RBPMS: variants seen among roughly 807,000 people sequenced by gnomAD.
RBPMS encodes RNA-binding protein with multiple splicing.
In RBPMS, 7 loss-of-function variants were observed where a neutral mutation model predicts 26.8. The ratio of observed to expected loss-of-function variants is 0.26; its 90% CI spans 0.15 to 0.49. RBPMS has a LOEUF of 0.49. Ranked by LOEUF, RBPMS falls within the 20% of genes least tolerant of loss-of-function variation. RBPMS has a pLI of 0.98. For missense variants in RBPMS, 186 were observed against 250.0 expected (o/e 0.74, Z 1.73); for synonymous variants, 96 against 93.3 (o/e 1.03, Z -0.17).
intron 1 of RBPMS, among the ~76,000 whole-genome samples, 175 bp from the exon 2 acceptor site, chr8:30,474,604 A>G (rs939831901): frequency 6.6e-6 from 1 of 152,218 alleles, no homozygotes. Flanking sequence ...AAAAGGAAAA[A>G]AAAGTGTTGG....
chr8:30,551,312 T>C lies in RBPMS; in HGVS notation c.528+6688T>C, dbSNP rs112725124. On this transcript the variant is annotated intron_variant, in intron 6 of 8. Transcript: ENST00000397323. Reference sequence around the variant, plus strand: ...TGCTACTGAGGCCCAGGCCTCTCCATGTTGGGCAGTTTTAGGAGGAAATGC... The same window carrying C: ...TGCTACTGAGGCCCAGGCCTCTCCACGTTGGGCAGTTTTAGGAGGAAATGC... Among the ~76,000 whole-genome samples the C allele has an allele frequency of 3.1e-3, 466 of 152,344 alleles. 2 individuals are homozygous for C. Among genetic ancestry groups the C allele is most frequent in the Non-Finnish European group, 5.1e-3 (344 of 68,030 alleles).
At position 30,384,616 on chromosome 8, in the gene RBPMS, GCTC is replaced by G. The variant is rs1223084418; in HGVS notation, c.-464_-462del. ...GCCGCGGCCCGCGCTCCTCCGCCCC[GCTC>G]CTCCTCCTCCTCTTCCTCCTCCTCC... is the stretch of plus-strand genomic sequence containing the variant. On this transcript the variant is annotated 5_prime_UTR_variant, in exon 1 of 9. Transcript: ENST00000397323. This position sits in a 1 kb window ranked among gnomAD's most constrained non-coding sequence, Gnocchi z 5.6. 16 of 156,668 alleles carry G rather than the reference GCTC, an allele frequency of 1.0e-4. No homozygotes were observed. The highest frequency in any genetic ancestry group is 1.9e-4 in the South Asian group (1 of 5,268). 9.7% of individuals were successfully genotyped at this position (156,668 alleles called of 1,614,324 possible).
intron 1 of RBPMS, among the ~76,000 whole-genome samples, chr8:30,433,844 G>C (rs1812180294): frequency 6.6e-6 from 1 of 152,088 alleles, no homozygotes; most frequent in Non-Finnish European, 1.5e-5. Flanking sequence ...CTGATTCTTA[G>C]ATCTTGCATG....
chr8:30,525,375 C>T (rs1016432744), intron 5 of RBPMS, among the ~76,000 whole-genome samples: 2 of 152,108 alleles, frequency 1.3e-5, no homozygotes, highest in African/African-American at 2.4e-5. Context: ...CCTCCTCCTC[C>T]GCAATAAAAA....
chr8:30,552,579 T>C (rs1213977199), intron 6 of RBPMS: 1 of 152,168 alleles, frequency 6.6e-6, no homozygotes, highest in African/African-American at 2.4e-5. Context: ...ATAGCAAACA[T>C]AGTTAAAAAT....
At chr8:30,547,770 C>G (rs1825988785) in intron 6 of RBPMS, among the ~76,000 whole-genome samples, 1 of 152,208 alleles carries the variant, frequency 6.6e-6, no homozygotes, top group African/African-American at 2.4e-5. Flanking sequence ...CACCAGGAGA[C>G]CTCACTTCAG....
At chr8:30,563,849 C>T (rs976785564) in intron 7 of RBPMS, among the ~76,000 whole-genome samples, 1 of 152,142 alleles carries the variant, frequency 6.6e-6, no homozygotes, top group South Asian at 2.1e-4. Flanking sequence ...AGAAGAAAGC[C>T]ACCTGTCCAT....
At chr8:30,508,431 C>T (rs1199438305) in intron 5 of RBPMS, among the ~76,000 whole-genome samples, 1 of 152,162 alleles carries the variant, frequency 6.6e-6, no homozygotes, top group Non-Finnish European at 1.5e-5. Context: ...AGTTACCTAA[C>T]CTCTCTGTGT....
rs374249569 is a variant in RBPMS at position 30,425,989 on chromosome 8, A to G, written c.66+40831A>G. On this transcript the variant is annotated intron_variant, in intron 1 of 8. Coordinates refer to ENST00000397323, the MANE Select transcript of RBPMS (RefSeq NM_001008710.3). ...TGGTGTTGTTCTTAACCACCACTCT[A>G]TGCTGCTTCCCACCGTGCCCAAAGA... Among the ~76,000 whole-genome samples, 3 of 152,118 alleles carry G rather than the reference A, an allele frequency of 2.0e-5. No homozygotes were observed. The East Asian group carries it at 5.8e-4, about 29-fold the overall frequency.
chr8:30,541,873 C>T (rs957907110), intron 5 of RBPMS, among the ~76,000 whole-genome samples: 31 of 152,290 alleles, frequency 2.0e-4, no homozygotes, highest in African/African-American at 6.3e-4. Flanking sequence ...AGCAAACAAA[C>T]GCAAAAAGCT....
At chr8:30,547,151 C>G (rs1382525192) in intron 6 of RBPMS, 2 of 652,278 alleles carry the variant, frequency 3.1e-6, no homozygotes, top group Non-Finnish European at 5.3e-6. Context: ...ACTGGAGCCT[C>G]TACGGGGCAT....
chr8:30,437,938 G>A (rs1202540986), intron 1 of RBPMS, among the ~76,000 whole-genome samples: 1 of 152,050 alleles, frequency 6.6e-6, no homozygotes, highest in Non-Finnish European at 1.5e-5. Context: ...CAGCCTGGGT[G>A]ACAGAGTGAG....
At chr8:30,486,422 T>C (rs1361923501) in intron 4 of RBPMS, among the ~76,000 whole-genome samples, 2 of 148,506 alleles carry the variant, frequency 1.3e-5, no homozygotes, top group African/African-American at 5.0e-5. Flanking sequence ...CCCTACTTTT[T>C]ACCAGGCTGG....
chr8:30,461,729 T>A (rs1187738737), intron 1 of RBPMS, among the ~76,000 whole-genome samples: 1 of 152,200 alleles, frequency 6.6e-6, no homozygotes, highest in Non-Finnish European at 1.5e-5. Flanking sequence ...AGAGATCACT[T>A]GTGCCCTTTG....
intron 1 of RBPMS, among the ~76,000 whole-genome samples, chr8:30,418,092 T>A (rs572028411): frequency 6.6e-6 from 1 of 152,330 alleles, no homozygotes; most frequent in South Asian, 2.1e-4. Flanking sequence ...AGAACTTGTT[T>A]AATATTGAGA....
At chr8:30,490,096 G>A (rs1284772996) in intron 4 of RBPMS, among the ~76,000 whole-genome samples, 1 of 152,230 alleles carries the variant, frequency 6.6e-6, no homozygotes, top group African/African-American at 2.4e-5. Flanking sequence ...ACAGGCGAGA[G>A]CCACCACGCC....
At chr8:30,476,196 G>A (rs1211544367) in intron 2 of RBPMS, among the ~76,000 whole-genome samples, 2 of 57,092 alleles carry the variant, frequency 3.5e-5, no homozygotes, top group East Asian at 9.9e-4. Context: ...TTCAAATGAG[G>A]AAAATGAAAC....
intron 5 of RBPMS, among the ~76,000 whole-genome samples, chr8:30,543,805 A>C (rs999243693): frequency 3.9e-5 from 6 of 152,178 alleles, no homozygotes; most frequent in African/African-American, 1.4e-4. Flanking sequence ...AATATGACTC[A>C]CTTTTTTCCC....
intron 4 of RBPMS, among the ~76,000 whole-genome samples, chr8:30,488,328 C>T (rs1207366129): frequency 6.6e-6 from 1 of 152,136 alleles, no homozygotes; most frequent in African/African-American, 2.4e-5. Context: ...AATAAAAATA[C>T]AATCCACACA....
Sources: gnomAD v4.1 joint callset for allele counts (sites outside exome capture counted in the v4.1 genomes callset) on GRCh38, gnomAD v4.1.1 for gene constraint, Gnocchi (gnomAD v3.1) non-coding constraint, MANE v1.5 for transcripts, NCBI Gene and HGNC (gene_info 2026-07-23, HGNC 2026-07-21) for gene names.